Variants in ICAM3 observed in about 807,000 individuals in gnomAD.
ICAM3 encodes the protein intercellular adhesion molecule 3.
In ICAM3, 54 loss-of-function variants were observed where a neutral mutation model predicts 43.6. That is an observed-to-expected ratio of 1.24 (90% CI 0.99 to 1.55). The LOEUF (loss-of-function observed/expected upper bound fraction) is 1.55, where lower values mean the gene tolerates loss of function less well. ICAM3 is among the 40% of genes most tolerant of loss of function. The pLI is 0.00. For missense variants in ICAM3, 715 were observed against 717.9 expected, an observed-to-expected ratio of 1.00 and a Z score of 0.05; for synonymous variants, 306 against 312.6, an observed-to-expected ratio of 0.98 and a Z score of 0.22.
rs976083657 is a variant in ICAM3 at position 10,334,965 on chromosome 19, T to A, written c.937+101A>T. ...CAGGCCCAACCCACGTTGCAACTGC[T>A]ATTGGGGCAAGCCAGGCCCCACCTT... is the stretch of plus-strand genomic sequence containing the variant. On this transcript the variant is annotated intron_variant, in intron 4 of 6. Coordinates refer to ENST00000160262, the MANE Select transcript of ICAM3 (RefSeq NM_002162.5). The surrounding 1 kb of genome is among the most constrained non-coding windows in gnomAD (Gnocchi z 5.5). The A allele has an allele frequency of 2.7e-6, 4 of 1,497,760 alleles. No homozygotes were observed. The African/African-American group carries it at 5.6e-5, about 21-fold the overall frequency. 92.8% of individuals were successfully genotyped at this position (1,497,760 alleles called of 1,614,324 possible).
chr19:10,335,222 G>T lies in ICAM3; in HGVS notation c.781C>A (p.Gln261Lys). The T allele has an allele frequency of 1.2e-6, 2 of 1,613,870 alleles. No homozygotes were observed. Among genetic ancestry groups the T allele is most frequent in the Non-Finnish European group, 1.7e-6 (2 of 1,180,028 alleles). Residue 261 changes from glutamine (Q) to lysine (K), a missense_variant, in exon 4 of 7, where the codon CAG (glutamine) becomes AAG (lysine). Transcript: ENST00000160262. ...EAQVYLALGD[Q>K]MLNATVMNHG... ...TTCATGACTGTCGCATTCAGCATCT[G>T]GTCCCCCAGCGCCAGGTAGACCTGG... is the stretch of plus-strand genomic sequence containing the variant.
chr19:10,338,544 C>A, intron 2 of ICAM3, 138 bp downstream of exon 2: 1 of 711,328 alleles, frequency 1.4e-6, no homozygotes, highest in South Asian at 1.8e-5. Context: ...ATCTCACACA[C>A]AAATGTCCAG....
intron 2 of ICAM3, among the ~76,000 whole-genome samples, chr19:10,337,824 C>G (rs1035315577): frequency 1.3e-5 from 2 of 152,118 alleles, no homozygotes; most frequent in Non-Finnish European, 2.9e-5. Flanking sequence ...GACGGGGTGT[C>G]CCTATATTGC....
Position 10,334,652 on chromosome 19 carries a change from C to T in ICAM3, c.1068G>A (p.Gln356=). ...TAGCATTTAGCTGAAGTTGAGCTGGCTGCCCCGGGGCCGCGGCCGGAACTC... is the reference window on the plus strand; with the variant it reads ...TAGCATTTAGCTGAAGTTGAGCTGGTTGCCCCGGGGCCGCGGCCGGAACTC... ...LDGVPAAAPG[Q]PAQLQLNATE... Residue 356 remains glutamine (Q), a synonymous_variant, in exon 5 of 7, where the codon CAG becomes CAA. Transcript: ENST00000160262. The surrounding 1 kb of genome is among the most constrained non-coding windows in gnomAD (Gnocchi z 5.5). 1 of 1,613,434 alleles carries T rather than the reference C, an allele frequency of 6.2e-7. No homozygotes were observed.
chr19:10,338,789 C>T lies in ICAM3; in HGVS notation c.236G>A (p.Gly79Asp). 6.2e-7 allele frequency: 1 copy of T among 1,614,168 alleles called. No homozygotes were observed. ...GTTGCTGAGATTGAAGGCTGCCCAG[C>T]CCATGCCACTGGCCACCAGCTCCTT... Reference protein sequence around the residue: ...LSKELVASGMGWAAFNLSNVT... With the variant: ...LSKELVASGMDWAAFNLSNVT... Residue 79 changes from glycine (G) to aspartate (D), a missense_variant, in exon 2 of 7, where the codon GGC (glycine) becomes GAC (aspartate). By Grantham distance (94) the Gly-to-Asp change is moderately conservative. Coordinates refer to ENST00000160262, the MANE Select transcript of ICAM3 (RefSeq NM_002162.5).
Position 10,335,864 on chromosome 19 carries a change from C to T in ICAM3, c.456G>A (p.Val152=), listed in dbSNP as rs753358377. 1.2e-5 allele frequency: 19 copies of T among 1,609,818 alleles called. No individual in the cohort carries two copies. Among genetic ancestry groups the T allele is most frequent in the African/African-American group, 1.3e-5 (1 of 75,058 alleles). Residue 152 remains valine, a synonymous_variant, in exon 3 of 7, where the codon GTG becomes GTA. Transcript: ENST00000160262. ...GCTCCTCCTCCCAGCGAAGCAGCAC[C>T]ACCGTGAGGCTGGTCCGGGGCGACC... is the stretch of plus-strand genomic sequence containing the variant. ...EDGSPRTSLT[V]VLLRWEEELS...
chr19:10,337,681 T>C (rs1186680701), intron 2 of ICAM3, among the ~76,000 whole-genome samples: 1 of 152,170 alleles, frequency 6.6e-6, no homozygotes, highest in Non-Finnish European at 1.5e-5. Context: ...TGGAGTGCAG[T>C]GGTGCAATTA....
In ICAM3 at chr19:10,334,490, A is replaced by C. The variant is rs527914722; in HGVS notation, c.1192+38T>G. On this transcript the variant is annotated intron_variant, in intron 5 of 6. Transcript: ENST00000160262. The surrounding 1 kb of genome is among the most constrained non-coding windows in gnomAD (Gnocchi z 5.5). ...GAGGAGCGTCTAATCTTTCCAGGGCAGGGGTGGAGGGATTAAAGGTCAGGG... is the reference window on the plus strand; with the variant it reads ...GAGGAGCGTCTAATCTTTCCAGGGCCGGGGTGGAGGGATTAAAGGTCAGGG... The C allele has an allele frequency of 6.2e-7, 1 of 1,602,146 alleles. No homozygotes were observed. Among genetic ancestry groups the C allele is most frequent in the Admixed American group, 1.7e-5 (1 of 59,556 alleles).
chr19:10,335,688 C>CG lies in ICAM3; in HGVS notation c.631dup (p.Arg211ProfsTer103), dbSNP rs1568317764. The stretch of plus-strand genomic sequence containing the variant: ...TCTCTCACCAAAGGTTCGGAGCTGG[C>CG]GGGGGGCTGAGGTGTTCACGAACAG... On this transcript the variant is annotated frameshift_variant, in exon 3 of 7. Transcript: ENST00000160262. LOFTEE classifies it high-confidence loss of function. 2 of 1,604,882 alleles carry CG rather than the reference C, an allele frequency of 1.2e-6. No individual in the cohort carries two copies. The highest frequency in any genetic ancestry group is 2.2e-5 in the South Asian group (2 of 89,762).
At position 10,334,298 on chromosome 19, in the gene ICAM3, A is replaced by G. The variant is rs765038852; in HGVS notation, c.1303T>C (p.Cys435Arg). ...TCCCGGCTGGAGCCTTCCTTCAAAC[A>G]CCGCAGCTCGGGGTACGGGTTGCCC... ...ARGNPYPELR[C>R]LKEGSSREVP... The change falls in exon 6 of 7, where the codon TGT becomes CGT. Residue 435 changes from cysteine to arginine, a missense_variant. Physicochemically the swap from Cys to Arg is radical, Grantham distance 180. Transcript: ENST00000160262. This position sits in a 1 kb window ranked among gnomAD's most constrained non-coding sequence, Gnocchi z 5.5. The G allele has an allele frequency of 1.2e-6, 2 of 1,614,110 alleles. No homozygotes were observed. The highest frequency in any genetic ancestry group is 2.2e-5 in the South Asian group (2 of 91,080).
chr19:10,337,646 A>G (rs2145102111), intron 2 of ICAM3, among the ~76,000 whole-genome samples: 1 of 152,230 alleles, frequency 6.6e-6, no homozygotes, highest in South Asian at 2.1e-4. Context: ...CTTAAGAGAC[A>G]AGGGTCTTGC....
chr19:10,337,842 G>T (rs1009022901), intron 2 of ICAM3, among the ~76,000 whole-genome samples: 1 of 152,042 alleles, frequency 6.6e-6, no homozygotes, highest in East Asian at 1.9e-4. Context: ...TGCTCTGCCT[G>T]GTCTTAAATT....
Position 10,334,521 on chromosome 19 carries a change from G to T in ICAM3, c.1192+7C>A, listed in dbSNP as rs1335976461. The T allele has an allele frequency of 6.2e-7, 1 of 1,604,306 alleles. No individual in the cohort carries two copies. The highest frequency in any genetic ancestry group is 1.3e-5 in the African/African-American group (1 of 74,812). On this transcript the variant is annotated splice_region_variant and intron_variant, in intron 5 of 6. Coordinates refer to ENST00000160262, the MANE Select transcript of ICAM3 (RefSeq NM_002162.5). The surrounding 1 kb of genome is among the most constrained non-coding windows in gnomAD (Gnocchi z 5.5). ...GGAGGGATTAAAGGTCAGGGTGACC[G>T]ACTCACACAGGACTCGCAGCTGGAC...
In ICAM3 at chr19:10,334,114, G is replaced by GTAC; in HGVS notation, c.1441+45_1441+46insGTA. 9.6e-7 allele frequency: 1 copy of GTAC among 1,045,162 alleles called. No individual in the cohort carries two copies. The highest frequency in any genetic ancestry group is 1.4e-6 in the Non-Finnish European group (1 of 691,960). 64.7% of individuals were successfully genotyped at this position (1,045,162 alleles called of 1,614,324 possible). On this transcript the variant is annotated intron_variant, in intron 6 of 6. Transcript: ENST00000160262. This position sits in a 1 kb window ranked among gnomAD's most constrained non-coding sequence, Gnocchi z 5.5. ...CGTCCCTTCTGTCTCCAACCCCCCC[G>GTAC]CCCCCCGGCTTACCGGTCCAGACCC... is the stretch of plus-strand genomic sequence containing the variant.
intron 2 of ICAM3, among the ~76,000 whole-genome samples, chr19:10,337,725 G>C (rs559596337): frequency 6.6e-6 from 1 of 152,192 alleles, no homozygotes; most frequent in African/African-American, 2.4e-5. Flanking sequence ...CTGGGCTCAA[G>C]CGATTCTCCC....
In ICAM3 at chr19:10,334,655, C is replaced by G; in HGVS notation, c.1065G>C (p.Gly355=). ...CATTTAGCTGAAGTTGAGCTGGCTG[C>G]CCCGGGGCCGCGGCCGGAACTCCGT... ...TLDGVPAAAP[G]QPAQLQLNAT... The change falls in exon 5 of 7, where the codon GGG becomes GGC. Residue 355 remains glycine (G), a synonymous_variant. Transcript: ENST00000160262. The surrounding 1 kb of genome is among the most constrained non-coding windows in gnomAD (Gnocchi z 5.5). 1 of 1,613,386 alleles carries G rather than the reference C, an allele frequency of 6.2e-7. No individual in the cohort carries two copies. The highest frequency in any genetic ancestry group is 8.5e-7 in the Non-Finnish European group (1 of 1,180,010).
chr19:10,336,085 G>T, intron 2 of ICAM3, 109 bp from the exon 3 acceptor site: 1 of 1,022,312 alleles, frequency 9.8e-7, no homozygotes, highest in Non-Finnish European at 1.4e-6. Context: ...TGAGCTTTGA[G>T]TTAATAAACT....
intron 2 of ICAM3, among the ~76,000 whole-genome samples, chr19:10,337,054 G>A (rs2040606031): frequency 6.6e-6 from 1 of 151,886 alleles, no homozygotes. Context: ...AGGTTGCAAT[G>A]AGCTGACATC....
At chr19:10,338,609 C>G in intron 2 of ICAM3, 73 bp downstream of exon 2, 1 of 1,453,996 alleles carries the variant, frequency 6.9e-7, no homozygotes, top group Non-Finnish European at 9.5e-7. Context: ...AGGGTCCCCA[C>G]TCTCCTGAGC....
Sources: gnomAD v4.1 joint callset for allele counts (sites outside exome capture counted in the v4.1 genomes callset) on GRCh38, gnomAD v4.1.1 for gene constraint, Gnocchi (gnomAD v3.1) non-coding constraint, MANE v1.5 for transcripts, NCBI Gene and HGNC (gene_info 2026-07-23, HGNC 2026-07-21) for gene names.